Variants in TRIM26 observed in about 807,000 individuals in gnomAD.
The protein encoded by TRIM26 is tripartite motif containing 26.
A neutral mutation model predicts 45.5 loss-of-function variants in TRIM26; 16 were observed. That is an observed-to-expected ratio of 0.35 (90% CI 0.24 to 0.53). TRIM26 has a LOEUF of 0.53. TRIM26 is among the 20% of genes least tolerant of loss of function. The pLI is 0.92. For synonymous variants in TRIM26, 273 were observed against 290.4 expected (o/e 0.94, Z 0.61); for missense variants, 442 against 691.1 (o/e 0.64, Z 4.04).
rs1479406005 is a variant in TRIM26 at position 30,190,407 on chromosome 6, A to T, written c.766-372T>A. 3.1e-5 allele frequency: 10 copies of T among 317,472 alleles called. No individual in the cohort carries two copies. 19.7% of individuals were successfully genotyped at this position (317,472 alleles called of 1,614,324 possible). ...CTGGATATGCATGGTAAGGAGTTTC[A>T]CTTTTGCTCCACGTACAGTGGAAAC... On this transcript the variant is annotated intron_variant, in intron 6 of 9. Coordinates refer to ENST00000454678, the MANE Select transcript of TRIM26 (RefSeq NM_003449.5). The surrounding 1 kb of genome is among the most constrained non-coding windows in gnomAD (Gnocchi z 4.3).
Position 30,190,317 on chromosome 6 carries a change from T to C in TRIM26, c.766-282A>G. ...TGACGGATAAGAAGTACTGGCCGGATGAAGAGAGGTAAGGTAAAACAGGAA... is the reference window on the plus strand; with the variant it reads ...TGACGGATAAGAAGTACTGGCCGGACGAAGAGAGGTAAGGTAAAACAGGAA... On this transcript the variant is annotated intron_variant, in intron 6 of 9. Coordinates refer to ENST00000454678, the MANE Select transcript of TRIM26 (RefSeq NM_003449.5). This position sits in a 1 kb window ranked among gnomAD's most constrained non-coding sequence, Gnocchi z 4.3. The C allele has an allele frequency of 3.7e-6, 2 of 543,464 alleles. No individual in the cohort carries two copies. Among genetic ancestry groups the C allele is most frequent in the South Asian group, 2.2e-5 (1 of 45,622 alleles). The allele number at this position is 543,464 out of a possible 1,614,324, so 33.7% of individuals were successfully genotyped here.
Position 30,189,387 on chromosome 6 carries a change from T to A in TRIM26, c.904+31A>T. On this transcript the variant is annotated intron_variant, in intron 8 of 9. Transcript: ENST00000454678. This position sits in a 1 kb window ranked among gnomAD's most constrained non-coding sequence, Gnocchi z 5.0. The stretch of plus-strand genomic sequence containing the variant: ...TTCTACGAGGTAGCCCTGCTCTGAC[T>A]CCCACCCTTTGTGCGCTCCCCAACC... 6.2e-7 allele frequency: 1 copy of A among 1,608,178 alleles called. No individual in the cohort carries two copies. The highest frequency in any genetic ancestry group is 8.5e-7 in the Non-Finnish European group (1 of 1,175,628).
intron 1 of TRIM26, among the ~76,000 whole-genome samples, chr6:30,211,659 G>A (rs922713715): frequency 2.0e-5 from 3 of 152,284 alleles, no homozygotes; most frequent in South Asian, 2.1e-4. Context: ...ACATAAGTAC[G>A]AGTGTCTCAT....
chr6:30,201,734 C>G (rs1294830980), intron 2 of TRIM26, among the ~76,000 whole-genome samples: 1 of 151,998 alleles, frequency 6.6e-6, no homozygotes, highest in Non-Finnish European at 1.5e-5. Flanking sequence ...GTCCCAGCTA[C>G]TCAGGAGGCT....
Position 30,196,826 on chromosome 6 carries a change from G to T in TRIM26, c.535-80C>A. The stretch of plus-strand genomic sequence containing the variant: ...CCAGTGCTGGAGGTGTGCAAGGCTG[G>T]CTCGTTCACCTCGCTACCCCCGTTC... On this transcript the variant is annotated intron_variant, in intron 5 of 9. Transcript: ENST00000454678. This position sits in a 1 kb window ranked among gnomAD's most constrained non-coding sequence, Gnocchi z 4.9. 7.0e-7 allele frequency: 1 copy of T among 1,437,578 alleles called. No individual in the cohort carries two copies. The highest frequency in any genetic ancestry group is 9.6e-7 in the Non-Finnish European group (1 of 1,036,766). The allele number at this position is 1,437,578 out of a possible 1,614,324, so 89.1% of individuals were successfully genotyped here.
At chr6:30,188,076 G>A (rs1349947588) in intron 9 of TRIM26, among the ~76,000 whole-genome samples, 13 of 150,182 alleles carry the variant, frequency 8.7e-5, no homozygotes, top group Non-Finnish European at 1.0e-4. Flanking sequence ...AAAATTAGCC[G>A]GGCGAGGTGG....
At chr6:30,192,262 T>C (rs1021648929) in intron 6 of TRIM26, among the ~76,000 whole-genome samples, 1 of 152,178 alleles carries the variant, frequency 6.6e-6, no homozygotes, top group African/African-American at 2.4e-5. Context: ...CCGGAGGGGA[T>C]GTGCCCGGTT....
chr6:30,203,997 C>T (rs989552275), intron 2 of TRIM26, among the ~76,000 whole-genome samples: 1 of 152,122 alleles, frequency 6.6e-6, no homozygotes, highest in Non-Finnish European at 1.5e-5. Context: ...GTGCTTGACA[C>T]CTTGTAGAAG....
Position 30,209,588 on chromosome 6 carries a change from T to C in TRIM26, c.-376+3717A>G, listed in dbSNP as rs1469430360. On this transcript the variant is annotated intron_variant, in intron 1 of 9. Transcript: ENST00000454678. This position sits in a 1 kb window ranked among gnomAD's most constrained non-coding sequence, Gnocchi z 4.8. ...GGTATTCTGTTACAGCAACAGAAAATGGATTAAGACAAATAGCATCTTAGA... is the reference window on the plus strand; with the variant it reads ...GGTATTCTGTTACAGCAACAGAAAACGGATTAAGACAAATAGCATCTTAGA... Among the ~76,000 whole-genome samples, 1 of 152,130 alleles carries C rather than the reference T, an allele frequency of 6.6e-6. No homozygotes were observed. The highest frequency in any genetic ancestry group is 2.4e-5 in the African/African-American group (1 of 41,430).
rs1347258793 is a variant in TRIM26, at chr6:30,189,026, A to AG, written c.937+140dup. 4 of 867,928 alleles carry AG rather than the reference A, an allele frequency of 4.6e-6. No homozygotes were observed. The highest frequency in any genetic ancestry group is 2.3e-5 in the Admixed American group (1 of 43,938). 53.8% of individuals were successfully genotyped at this position (867,928 alleles called of 1,614,324 possible). A position where few individuals can be genotyped will look rare whatever the true frequency, so the allele number is the denominator to read the frequency against. The stretch of plus-strand genomic sequence containing the variant: ...GGCTGATTAGAAAGTGCAAAGAGGG[A>AG]GGGGGGCTTCTATTGTGCAGCTGGG... On this transcript the variant is annotated intron_variant, in intron 9 of 9. Coordinates refer to ENST00000454678, the MANE Select transcript of TRIM26 (RefSeq NM_003449.5). This position sits in a 1 kb window ranked among gnomAD's most constrained non-coding sequence, Gnocchi z 5.0.
chr6:30,189,609 T>C lies in TRIM26; in HGVS notation c.789-76A>G, dbSNP rs753024687. 2 of 1,262,880 alleles carry C rather than the reference T, an allele frequency of 1.6e-6. No individual in the cohort carries two copies. The highest frequency in any genetic ancestry group is 2.3e-6 in the Non-Finnish European group (2 of 870,512). The allele number at this position is 1,262,880 out of a possible 1,614,324, so 78.2% of individuals were successfully genotyped here. On this transcript the variant is annotated intron_variant, in intron 7 of 9. Transcript: ENST00000454678. The surrounding 1 kb of genome is among the most constrained non-coding windows in gnomAD (Gnocchi z 5.0). ...CTTCATACTTATCTCTCAATCCTCATGGCAATTATGAAGGGGAGAGGAAAG... is the reference window on the plus strand; with the variant it reads ...CTTCATACTTATCTCTCAATCCTCACGGCAATTATGAAGGGGAGAGGAAAG...
Position 30,190,373 on chromosome 6 carries a change from T to C in TRIM26, c.766-338A>G, listed in dbSNP as rs957086857. 9 of 419,332 alleles carry C rather than the reference T, an allele frequency of 2.1e-5. No homozygotes were observed. Among genetic ancestry groups the C allele is most frequent in the African/African-American group, 1.8e-4 (9 of 50,096 alleles). 26.0% of individuals were successfully genotyped at this position (419,332 alleles called of 1,614,324 possible). A position where few individuals can be genotyped will look rare whatever the true frequency, so the allele number is the denominator to read the frequency against. ...TTGGTGAGAACGGCAGAGGCCAGAC[T>C]GCGCAGGGCTGGATATGCATGGTAA... On this transcript the variant is annotated intron_variant, in intron 6 of 9. Coordinates refer to ENST00000454678, the MANE Select transcript of TRIM26 (RefSeq NM_003449.5). The surrounding 1 kb of genome is among the most constrained non-coding windows in gnomAD (Gnocchi z 4.3).
rs888204421 is a variant in TRIM26 at position 30,207,459 on chromosome 6, C to T, written c.-375-2694G>A. On this transcript the variant is annotated intron_variant, in intron 1 of 9. Coordinates refer to ENST00000454678, the MANE Select transcript of TRIM26 (RefSeq NM_003449.5). This position sits in a 1 kb window ranked among gnomAD's most constrained non-coding sequence, Gnocchi z 4.9. ...CAAGGGTTTCCTGATTTACATAAAC[C>T]TCCTCTCCCCTTTGCTGCCCCAGTG... is the stretch of plus-strand genomic sequence containing the variant. Among the ~76,000 whole-genome samples, 2 of 152,114 alleles carry T rather than the reference C, an allele frequency of 1.3e-5. No individual in the cohort carries two copies. The highest frequency in any genetic ancestry group is 2.9e-5 in the Non-Finnish European group (2 of 68,024).
Position 30,189,136 on chromosome 6 carries a change from T to C in TRIM26, c.937+31A>G. 1 of 1,603,516 alleles carries C rather than the reference T, an allele frequency of 6.2e-7. No individual in the cohort carries two copies. Among genetic ancestry groups the C allele is most frequent in the East Asian group, 2.2e-5 (1 of 44,830 alleles). On this transcript the variant is annotated intron_variant, in intron 9 of 9. Coordinates refer to ENST00000454678, the MANE Select transcript of TRIM26 (RefSeq NM_003449.5). The surrounding 1 kb of genome is among the most constrained non-coding windows in gnomAD (Gnocchi z 5.0). ...CAGGCGGAGTTTTCTATATTTGATG[T>C]ACATCTGGGAAACACCCTCTAGACA...
At chr6:30,193,182 A>ATTTTTTTTTTT (rs59857727) in intron 6 of TRIM26, among the ~76,000 whole-genome samples, 2 of 38,820 alleles carry the variant, frequency 5.2e-5, no homozygotes, top group African/African-American at 2.4e-4. Flanking sequence ...ATATATATAT[A>ATTTTTTTTTTT]TTTTTTTTTT....
intron 2 of TRIM26, among the ~76,000 whole-genome samples, chr6:30,204,060 T>C (rs1777471141): frequency 6.6e-6 from 1 of 152,192 alleles, no homozygotes; most frequent in African/African-American, 2.4e-5. Context: ...TTGCAGACAA[T>C]GTTAGTTGTA....
At chr6:30,191,981 A>G (rs1775891946) in intron 6 of TRIM26, among the ~76,000 whole-genome samples, 1 of 152,246 alleles carries the variant, frequency 6.6e-6, no homozygotes, top group Non-Finnish European at 1.5e-5. Flanking sequence ...AGAAAGGGAG[A>G]GAATCATACA....
Position 30,196,690 on chromosome 6 carries a change from C to T in TRIM26, c.591G>A (p.Gln197=), listed in dbSNP as rs17194565. The change falls in exon 6 of 10, where the codon CAG becomes CAA. Residue 197 remains glutamine, a synonymous_variant. Coordinates refer to ENST00000454678, the MANE Select transcript of TRIM26 (RefSeq NM_003449.5). The surrounding 1 kb of genome is among the most constrained non-coding windows in gnomAD (Gnocchi z 4.9). ...GGTGTTCCTCCCGCTCCCTCAGGAA[C>T]TGATGACCCTGCTCAAACTCAGCCA... ...YIVAEFEQGH[Q]FLREREEHLL... 1 of 1,614,238 alleles carries T rather than the reference C, an allele frequency of 6.2e-7. No individual in the cohort carries two copies. The highest frequency in any genetic ancestry group is 8.5e-7 in the Non-Finnish European group (1 of 1,180,042).
rs768383310 is a variant in TRIM26, at chr6:30,196,736, T to G, written c.545A>C (p.Gln182Pro). 6.2e-7 allele frequency: 1 copy of G among 1,614,180 alleles called. No individual in the cohort carries two copies. ...AGCCACAATGTACTGCCTCTGGTCC[T>G]GGAGCTTCTTCTGCAGGGGGCAGGA... ...ADILAALKKL[Q>P]DQRQYIVAEF... Residue 182 changes from glutamine (Q) to proline (P), a missense_variant, in exon 6 of 10, where the codon CAG becomes CCG. Physicochemically the swap from Gln to Pro is moderately conservative, Grantham distance 76. Coordinates refer to ENST00000454678, the MANE Select transcript of TRIM26 (RefSeq NM_003449.5). The surrounding 1 kb of genome is among the most constrained non-coding windows in gnomAD (Gnocchi z 4.9).
Sources: allele counts gnomAD v4.1 joint callset (sites outside exome capture counted in the v4.1 genomes callset), GRCh38; gene constraint gnomAD v4.1.1; non-coding constraint Gnocchi (gnomAD v3.1); transcripts MANE v1.5; gene names NCBI Gene and HGNC (gene_info 2026-07-23, HGNC 2026-07-21).